The following BIRC2 variants were observed in gnomAD, a reference collection of about 807,000 sequenced individuals.
BIRC2 encodes the protein baculoviral IAP repeat containing 2.
A neutral mutation model predicts 60.9 loss-of-function variants in BIRC2; 18 were observed. The observed-to-expected ratio is 0.30, with a 90% confidence interval of 0.20 to 0.44. The LOEUF is 0.44. BIRC2 is among the 20% of genes least tolerant of loss of function. The pLI, the probability that BIRC2 is intolerant of heterozygous loss-of-function variation, is 1.00. For missense variants in BIRC2, 701 were observed against 728.5 expected (o/e 0.96, Z 0.43); for synonymous variants, 282 against 247.7 (o/e 1.14, Z -1.30).
chr11:102,350,017 A>C lies in BIRC2; in HGVS notation c.163A>C (p.Thr55Pro), dbSNP rs147638046. The C allele has an allele frequency of 5.0e-6, 8 of 1,614,230 alleles. No individual in the cohort carries two copies. Among genetic ancestry groups the C allele is most frequent in the South Asian group, 1.1e-5 (1 of 91,076 alleles). Residue 55 changes from threonine (T) to proline (P), a missense_variant, in exon 2 of 9, where the codon ACT becomes CCT. Thr to Pro is a conservative substitution (Grantham distance 38). This residue lies in a region of BIRC2 where 375 missense variants were observed against 365.9 expected (regional missense o/e 1.02). Coordinates refer to ENST00000227758, the MANE Select transcript of BIRC2 (RefSeq NM_001166.5). The stretch of plus-strand genomic sequence containing the variant: ...ACTCTACAGAATGTCTACATATTCA[A>C]CTTTCCCCGCCGGGGTGCCTGTCTC... Reference protein sequence around the residue: ...CELYRMSTYSTFPAGVPVSER... With the variant: ...CELYRMSTYSPFPAGVPVSER...
chr11:102,378,237 A>G lies in BIRC2; in HGVS notation c.*54A>G. On this transcript the variant is annotated 3_prime_UTR_variant, in exon 9 of 9. Transcript: ENST00000227758. ...TAAAAAGGTCTTTAAAATATTGTTG[A>G]ACACTTGAAGCCATCTAAAGTAAAA... The G allele has an allele frequency of 7.3e-7, 1 of 1,372,986 alleles. No homozygotes were observed. The highest frequency in any genetic ancestry group is 2.4e-5 in the East Asian group (1 of 41,232). The allele number at this position is 1,372,986 out of a possible 1,614,324, so 85.1% of individuals were successfully genotyped here.
chr11:102,372,259 T>C (rs1446919017), intron 6 of BIRC2, among the ~76,000 whole-genome samples: 3 of 152,322 alleles, frequency 2.0e-5, no homozygotes, highest in African/African-American at 7.2e-5. Context: ...AATTGTGATA[T>C]TAGGGTGTCA....
At position 102,377,736 on chromosome 11, in the gene BIRC2, A is replaced by G. The variant is rs746439604; in HGVS notation, c.1607A>G (p.Tyr536Cys). ...NCLKEIDSTL[Y>C]KNLFVDKNMK... ...CTAAAAGAAATTGACTCTACATTGT[A>G]TAAGAACTTATTTGGTGAGTTTGTT... Residue 536 changes from tyrosine (Y) to cysteine (C), a missense_variant, in exon 7 of 9, where the codon TAT becomes TGT. Transcript: ENST00000227758. 3.9e-5 allele frequency: 63 copies of G among 1,599,440 alleles called. No individual in the cohort carries two copies. The highest frequency in any genetic ancestry group is 5.4e-5 in the Non-Finnish European group (63 of 1,176,978).
chr11:102,368,802 A>G (rs1951584221), intron 6 of BIRC2, among the ~76,000 whole-genome samples: 1 of 152,194 alleles, frequency 6.6e-6, no homozygotes, highest in South Asian at 2.1e-4. Context: ...TTTTAGCATA[A>G]TAAGCTCTTT....
At position 102,368,365 on chromosome 11, in the gene BIRC2, G is replaced by A. The variant is rs1176950043; in HGVS notation, c.1183G>A (p.Val395Met). ...AGATGCTGTCATGATGAATACACCT[G>A]TGGTTAAATCTGCCTTGGAAATGGG... ...SEDAVMMNTPVVKSALEMGFN... is the reference protein window; with the variant it reads ...SEDAVMMNTPMVKSALEMGFN... Residue 395 changes from valine (V) to methionine (M), a missense_variant, in exon 6 of 9, where the codon GTG becomes ATG. Coordinates refer to ENST00000227758, the MANE Select transcript of BIRC2 (RefSeq NM_001166.5). 1 of 1,614,002 alleles carries A rather than the reference G, an allele frequency of 6.2e-7. No individual in the cohort carries two copies. The highest frequency in any genetic ancestry group is 2.2e-5 in the East Asian group (1 of 44,848).
chr11:102,366,542 A>G (rs546228450), intron 5 of BIRC2, among the ~76,000 whole-genome samples: 5 of 149,966 alleles, frequency 3.3e-5, no homozygotes, highest in Non-Finnish European at 7.4e-5. Flanking sequence ...AATTTTTTGT[A>G]TTTTTTTTTA....
intron 4 of BIRC2, among the ~76,000 whole-genome samples, chr11:102,363,237 GT>G (rs1289065383): frequency 1.3e-5 from 2 of 152,000 alleles, no homozygotes; most frequent in Non-Finnish European, 2.9e-5. Flanking sequence ...AAAAAAGATT[GT>G]TTTTTTGTTT....
In BIRC2 at chr11:102,349,874, A is replaced by G; in HGVS notation, c.20A>G (p.Gln7Arg). MHKTAS[Q>R]RLFPGPSYQN... ...CTACTCATGCACAAAACTGCCTCCC[A>G]AAGACTTTTCCCAGGTCCCTCGTAT... is the stretch of plus-strand genomic sequence containing the variant. Residue 7 changes from glutamine (Q) to arginine (R), a missense_variant, in exon 2 of 9, where the codon CAA (glutamine) becomes CGA (arginine). By Grantham distance (43) the Gln-to-Arg change is conservative. Transcript: ENST00000227758. 1 of 1,608,564 alleles carries G rather than the reference A, an allele frequency of 6.2e-7. No homozygotes were observed. Among genetic ancestry groups the G allele is most frequent in the Admixed American group, 1.7e-5 (1 of 59,668 alleles).
intron 3 of BIRC2, among the ~76,000 whole-genome samples, chr11:102,357,609 C>A (rs11501345): frequency 6.6e-6 from 1 of 152,202 alleles, no homozygotes; most frequent in African/African-American, 2.4e-5. Flanking sequence ...CTCTTATGGT[C>A]ATTTGCGTTT....
intron 5 of BIRC2, among the ~76,000 whole-genome samples, chr11:102,367,559 A>G (rs1408876089): frequency 2.6e-5 from 4 of 152,172 alleles, no homozygotes; most frequent in Non-Finnish European, 5.9e-5. Context: ...TTGAAGAATT[A>G]TGTCTTTTTG....
At chr11:102,376,391 A>G (rs903808774) in intron 6 of BIRC2, among the ~76,000 whole-genome samples, 5 of 152,238 alleles carry the variant, frequency 3.3e-5, no homozygotes, top group African/African-American at 4.8e-5. Flanking sequence ...TAGGTAGAAG[A>G]AAAAGTTGTC....
In BIRC2 at chr11:102,352,102, CT is replaced by C. The variant is rs769740458; in HGVS notation, c.995+1174del. ...TCCTGGCAACCACCATTGTCTTTCT[CT>C]TTTTTTTTTTTTTTGTTTTGTTTTT... On this transcript the variant is annotated intron_variant, in intron 3 of 8. Coordinates refer to ENST00000227758, the MANE Select transcript of BIRC2 (RefSeq NM_001166.5). Among the ~76,000 whole-genome samples the C allele has an allele frequency of 6.8e-3, 940 of 137,500 alleles. 1 individual carries two copies. Among genetic ancestry groups the C allele is most frequent in the African/African-American group, 0.014 (513 of 37,778 alleles). 90.2% of individuals were successfully genotyped at this position (137,500 alleles called of 152,430 possible).
chr11:102,368,720 A>G (rs1951582646), intron 6 of BIRC2, among the ~76,000 whole-genome samples, 172 bp downstream of exon 6: 2 of 152,114 alleles, frequency 1.3e-5, no homozygotes, highest in Non-Finnish European at 2.9e-5. Context: ...TCTAGTTGAG[A>G]ACCATTGACT....
At chr11:102,369,470 C>G (rs1157289473) in intron 6 of BIRC2, among the ~76,000 whole-genome samples, 1 of 151,474 alleles carries the variant, frequency 6.6e-6, no homozygotes, top group Non-Finnish European at 1.5e-5. Context: ...CAATTTCATC[C>G]ATGTCCCTAC....
intron 3 of BIRC2, among the ~76,000 whole-genome samples, chr11:102,355,239 G>T (rs1951408012): frequency 6.6e-6 from 1 of 152,016 alleles, no homozygotes; most frequent in Non-Finnish European, 1.5e-5. Flanking sequence ...ATGGTTTCTG[G>T]ATTTATGTTT....
At chr11:102,356,921 T>C (rs759349544) in intron 3 of BIRC2, among the ~76,000 whole-genome samples, 4 of 150,958 alleles carry the variant, frequency 2.6e-5, no homozygotes, top group Admixed American at 2.0e-4. Flanking sequence ...CCACCCATCT[T>C]GGCCTCCCAA....
At chr11:102,377,285 G>A (rs1419742248) in intron 6 of BIRC2, among the ~76,000 whole-genome samples, 2 of 152,080 alleles carry the variant, frequency 1.3e-5, no homozygotes, top group African/African-American at 2.4e-5. Flanking sequence ...GGAGTTCTAG[G>A]ACATGTAAAT....
chr11:102,362,678 G>T, intron 3 of BIRC2: 1 of 417,366 alleles, frequency 2.4e-6, no homozygotes, highest in Non-Finnish European at 4.3e-6. Flanking sequence ...TGTGTTAATG[G>T]ATTGAATTAG....
chr11:102,357,685 T>G (rs1251791779), intron 3 of BIRC2, among the ~76,000 whole-genome samples: 3 of 152,132 alleles, frequency 2.0e-5, no homozygotes, highest in Non-Finnish European at 4.4e-5. Context: ...TTTTTACTAG[T>G]CAAACTAAAG....
Sources: gnomAD v4.1 joint callset for allele counts (sites outside exome capture counted in the v4.1 genomes callset) on GRCh38, gnomAD v4.1.1 for gene constraint, gnomAD v4.1.1 regional missense constraint, MANE v1.5 for transcripts, NCBI Gene and HGNC (gene_info 2026-07-23, HGNC 2026-07-21) for gene names.